MEIKIN: variants seen among roughly 807,000 people sequenced by gnomAD.
The protein encoded by MEIKIN is meiotic kinetochore factor.
At chr5:131,882,741 A>T (rs1483057970) in intron 8 of MEIKIN, among the ~76,000 whole-genome samples, 2 of 152,118 alleles carry the variant, frequency 1.3e-5, no homozygotes, top group Admixed American at 1.3e-4. Context: ...TCTGACCACA[A>T]TTTCAACCAT....
At chr5:131,843,781 C>T (rs1376641447) in intron 11 of MEIKIN, among the ~76,000 whole-genome samples, 2 of 152,232 alleles carry the variant, frequency 1.3e-5, no homozygotes, top group African/African-American at 4.8e-5. Context: ...CTGTCTTCTT[C>T]TGAGCCCTCC....
intron 12 of MEIKIN, among the ~76,000 whole-genome samples, chr5:131,817,868 C>T (rs1351951783): frequency 6.6e-6 from 1 of 152,126 alleles, no homozygotes; most frequent in African/African-American, 2.4e-5. Flanking sequence ...ATTTCAATTG[C>T]TTCATTGGCT....
At chr5:131,905,095 G>A (rs888678706) in intron 8 of MEIKIN, among the ~76,000 whole-genome samples, 2 of 152,004 alleles carry the variant, frequency 1.3e-5, no homozygotes, top group Non-Finnish European at 2.9e-5. Context: ...AAACCTGCAC[G>A]TTCTGCACAT....
rs1429656067 is a variant in MEIKIN at position 131,919,176 on chromosome 5, C to T, written c.599-2251G>A. ...TGCAAGTTAAAATAGCACAGAGATACCATTTGTCACCTATTAGAGTAGCAA... is the reference window on the plus strand; with the variant it reads ...TGCAAGTTAAAATAGCACAGAGATATCATTTGTCACCTATTAGAGTAGCAA... On this transcript the variant is annotated intron_variant, in intron 6 of 12. Transcript: ENST00000442687. Among the ~76,000 whole-genome samples, 3 of 151,960 alleles carry T rather than the reference C, an allele frequency of 2.0e-5. No homozygotes were observed. In the South Asian group the frequency reaches 6.2e-4, roughly 32 times the overall value.
At chr5:131,912,037 A>G (rs565816952) in intron 7 of MEIKIN, among the ~76,000 whole-genome samples, 158 bp from the exon 8 acceptor site, 17 of 152,190 alleles carry the variant, frequency 1.1e-4, no homozygotes, top group African/African-American at 1.4e-4. Context: ...ATTTATATGA[A>G]CAAATAGTTT....
chr5:131,817,402 G>A (rs1470504742), intron 12 of MEIKIN, among the ~76,000 whole-genome samples: 2 of 151,990 alleles, frequency 1.3e-5, no homozygotes, highest in Admixed American at 6.6e-5. Context: ...ACAAGGTCAC[G>A]AGATCGAGAC....
At chr5:131,878,598 A>G (rs1356950707) in intron 9 of MEIKIN, among the ~76,000 whole-genome samples, 1 of 152,138 alleles carries the variant, frequency 6.6e-6, no homozygotes, top group Non-Finnish European at 1.5e-5. Context: ...GGCTGGGTAC[A>G]GTGGCTCATG....
intron 8 of MEIKIN, among the ~76,000 whole-genome samples, chr5:131,910,111 C>T (rs1353034290): frequency 6.6e-6 from 1 of 152,160 alleles, no homozygotes; most frequent in Non-Finnish European, 1.5e-5. Context: ...AAAGAGGTAT[C>T]TGCACTCCCG....
At chr5:131,872,525 G>C (rs1232842114) in intron 9 of MEIKIN, among the ~76,000 whole-genome samples, 1 of 152,204 alleles carries the variant, frequency 6.6e-6, no homozygotes, top group Non-Finnish European at 1.5e-5. Flanking sequence ...CATCTGATTG[G>C]TGTACCTGAA....
At chr5:131,854,362 T>G (rs1261677281) in intron 10 of MEIKIN, among the ~76,000 whole-genome samples, 1 of 152,134 alleles carries the variant, frequency 6.6e-6, no homozygotes, top group African/African-American at 2.4e-5. Context: ...TACTGTTTAA[T>G]GCATATGGAA....
At chr5:131,934,092 C>T (rs1751733840) in intron 4 of MEIKIN, among the ~76,000 whole-genome samples, 1 of 151,856 alleles carries the variant, frequency 6.6e-6, no homozygotes, top group Non-Finnish European at 1.5e-5. Context: ...GCTGGGATTA[C>T]AGGAATGTGC....
chr5:131,869,310 G>GCT (rs1306006943), intron 9 of MEIKIN, among the ~76,000 whole-genome samples: 1 of 152,020 alleles, frequency 6.6e-6, no homozygotes, highest in Non-Finnish European at 1.5e-5. Flanking sequence ...CTATTTCTGG[G>GCT]CTCTCTCTCT....
chr5:131,850,880 C>A (rs1036758824), intron 11 of MEIKIN, among the ~76,000 whole-genome samples: 4 of 151,980 alleles, frequency 2.6e-5, no homozygotes, highest in African/African-American at 9.7e-5. Context: ...GTCAAGGCTG[C>A]AGTGAGTCTG....
chr5:131,854,941 T>G, intron 9 of MEIKIN, 107 bp from the exon 10 acceptor site: 1 of 385,448 alleles, frequency 2.6e-6, no homozygotes, highest in Non-Finnish European at 4.6e-6. Context: ...TAATGTACAG[T>G]ACTAAGAAAA....
intron 9 of MEIKIN, among the ~76,000 whole-genome samples, chr5:131,866,407 A>C (rs1460924389): frequency 2.0e-5 from 3 of 152,250 alleles, no homozygotes; most frequent in Admixed American, 2.0e-4. Flanking sequence ...ATGGTGTGTA[A>C]AGATGCTGGC....
intron 11 of MEIKIN, among the ~76,000 whole-genome samples, chr5:131,850,228 G>A (rs945788082): frequency 6.6e-6 from 1 of 152,070 alleles, no homozygotes; most frequent in Non-Finnish European, 1.5e-5. Context: ...TGGATTGGAA[G>A]ATGCAATACT....
Position 131,854,753 on chromosome 5 carries a change from C to T in MEIKIN, c.855+1G>A, listed in dbSNP as rs983675206. On this transcript the variant is annotated splice_donor_variant, in intron 10 of 12. Coordinates refer to ENST00000442687, the MANE Select transcript of MEIKIN (RefSeq NM_001303622.2). LOFTEE classifies it high-confidence loss of function. ...TACAAGTGCCAAATGCTAATACTTA[C>T]CACAAAACCAGCTGTCTCTGAAGAT... The T allele has an allele frequency of 2.5e-6, 1 of 397,772 alleles. No individual in the cohort carries two copies. Among genetic ancestry groups the T allele is most frequent in the Non-Finnish European group, 4.4e-6 (1 of 225,502 alleles). 24.6% of individuals were successfully genotyped at this position (397,772 alleles called of 1,614,324 possible).
At chr5:131,807,295 A>G in intron 12 of MEIKIN, 37 bp from the exon 13 acceptor site, 1 of 398,436 alleles carries the variant, frequency 2.5e-6, no homozygotes. Context: ...TACTTTGTAT[A>G]CAAGCAGGTG....
intron 9 of MEIKIN, among the ~76,000 whole-genome samples, chr5:131,859,869 G>A (rs1051431553): frequency 1.3e-5 from 2 of 152,048 alleles, no homozygotes; most frequent in African/African-American, 4.8e-5. Context: ...CTGTAAATAC[G>A]TGGATTCATT....
Sources: gnomAD v4.1 joint callset for allele counts (sites outside exome capture counted in the v4.1 genomes callset) on GRCh38, gnomAD v4.1.1 for gene constraint, MANE v1.5 for transcripts, NCBI Gene and HGNC (gene_info 2026-07-23, HGNC 2026-07-21) for gene names.